MSR1: variants seen among roughly 807,000 people sequenced by gnomAD.
MSR1 encodes macrophage scavenger receptor 1.
MSR1 carries 53 observed loss-of-function variants against 47.2 expected under a neutral mutation model. That is an observed-to-expected ratio of 1.12 (90% CI 0.90 to 1.41). The LOEUF is 1.41. MSR1 is among the 40% of genes most tolerant of loss of function. The probability of loss-of-function intolerance (pLI) is 0.00; values close to 1 mark genes in which losing one functional copy is unlikely to be tolerated. For missense variants in MSR1, 786 were observed against 546.9 expected (o/e 1.44, Z -4.36); for synonymous variants, 239 against 185.6 (o/e 1.29, Z -2.34).
Position 16,177,980 on chromosome 8 carries a change from C to G in MSR1, c.9G>C (p.Gln3His), listed in dbSNP as rs777337243. The change falls in exon 2 of 10, where the codon CAG (glutamine) becomes CAC (histidine). Residue 3 changes from glutamine to histidine, a missense_variant. Transcript: ENST00000262101. ME[Q>H]WDHFHNQQED... ...CCTGTTGATTGTGAAAGTGATCCCA[C>G]TGCTCCATACTTCTATGAAACAAAA... 1 of 1,613,330 alleles carries G rather than the reference C, an allele frequency of 6.2e-7. No individual in the cohort carries two copies. Among genetic ancestry groups the G allele is most frequent in the African/African-American group, 1.3e-5 (1 of 74,884 alleles).
intron 5 of MSR1, among the ~76,000 whole-genome samples, chr8:16,163,051 G>C (rs1211707158): frequency 6.6e-6 from 1 of 151,964 alleles, no homozygotes; most frequent in African/African-American, 2.4e-5. Context: ...TGAATGTTAA[G>C]ATACTGATCA....
intron 9 of MSR1, 109 bp downstream of exon 9, chr8:16,120,309 A>G (rs1799968825): frequency 8.8e-7 from 1 of 1,138,788 alleles, no homozygotes; most frequent in Middle Eastern, 2.0e-4. Flanking sequence ...TCCGGGAGGC[A>G]GAGGTTGCAG....
At position 16,143,472 on chromosome 8, in the gene MSR1, A is replaced by G; in HGVS notation, c.1033+86T>C. ...TGTATGGATCTGTGCTGAAGTTGCG[A>G]ACATTTGCCTCAAGCCCAGATCTCT... On this transcript the variant is annotated intron_variant, in intron 8 of 9. Coordinates refer to ENST00000262101, the MANE Select transcript of MSR1 (RefSeq NM_138715.3). 11 of 1,235,380 alleles carry G rather than the reference A, an allele frequency of 8.9e-6. No individual in the cohort carries two copies. In the South Asian group the frequency reaches 1.2e-4, roughly 14 times the overall value. 76.5% of individuals were successfully genotyped at this position (1,235,380 alleles called of 1,614,324 possible). A position where few individuals can be genotyped will look rare whatever the true frequency, so the allele number is the denominator to read the frequency against.
intron 2 of MSR1, among the ~76,000 whole-genome samples, chr8:16,175,744 T>A (rs1490483050): frequency 6.6e-6 from 1 of 152,246 alleles, no homozygotes; most frequent in Admixed American, 6.5e-5. Context: ...ATGACTATGA[T>A]GTTAAAATAA....
intron 3 of MSR1, among the ~76,000 whole-genome samples, chr8:16,169,579 A>G (rs1410990588): frequency 6.6e-6 from 1 of 152,182 alleles, no homozygotes. Flanking sequence ...ACAATTTACC[A>G]TGAATCTCAC....
chr8:16,141,047 T>C, intron 8 of MSR1: 1 of 1,613,400 alleles, frequency 6.2e-7, no homozygotes, highest in Non-Finnish European at 8.5e-7. Context: ...GTACTGGTCC[T>C]GACACATATA....
At chr8:16,181,416 T>C (rs190909280) in intron 1 of MSR1, among the ~76,000 whole-genome samples, 2 of 152,208 alleles carry the variant, frequency 1.3e-5, no homozygotes, top group Admixed American at 6.5e-5. Flanking sequence ...CCATCAATGA[T>C]AGATTGGATA....
intron 8 of MSR1, 180 bp from the exon 9 acceptor site, chr8:16,120,786 A>G: frequency 6.4e-6 from 5 of 782,950 alleles, no homozygotes; most frequent in Non-Finnish European, 7.9e-6. Context: ...AAAGAGTTTA[A>G]CTGCAAATAT....
intron 2 of MSR1, among the ~76,000 whole-genome samples, chr8:16,176,850 C>G (rs879224284): frequency 6.6e-6 from 1 of 152,148 alleles, no homozygotes; most frequent in Non-Finnish European, 1.5e-5. Context: ...ATCCTTTACA[C>G]AGAGCACAAG....
intron 3 of MSR1, among the ~76,000 whole-genome samples, chr8:16,174,267 T>A (rs1320578441): frequency 6.6e-6 from 1 of 151,996 alleles, no homozygotes; most frequent in Non-Finnish European, 1.5e-5. Context: ...TTGTTGTTGT[T>A]AAACTGCTTA....
rs1308059372 is a variant in MSR1 at position 16,108,871 on chromosome 8, A to T, written c.*1214T>A. The T allele has an allele frequency of 1.3e-5, 2 of 152,274 alleles. No individual in the cohort carries two copies. The highest frequency in any genetic ancestry group is 4.8e-5 in the African/African-American group (2 of 41,568). 9.4% of individuals were successfully genotyped at this position (152,274 alleles called of 1,614,324 possible). ...TTTCATTTGCCACTATTAAAGAAAG[A>T]ACAGTAGAGTAATTCCATAATAGTA... is the stretch of plus-strand genomic sequence containing the variant. On this transcript the variant is annotated 3_prime_UTR_variant, in exon 10 of 10. Coordinates refer to ENST00000262101, the MANE Select transcript of MSR1 (RefSeq NM_138715.3).
Position 16,109,959 on chromosome 8 carries a change from A to G in MSR1, c.*126T>C, listed in dbSNP as rs1799718558. On this transcript the variant is annotated 3_prime_UTR_variant, in exon 10 of 10. Transcript: ENST00000262101. ...AGGTGTTCAATATATTAATCCTGTA[A>G]TCTAAAATATTATTTGGGCAATATT... 5.4e-6 allele frequency: 6 copies of G among 1,116,296 alleles called. No individual in the cohort carries two copies. The highest frequency in any genetic ancestry group is 2.2e-4 in the Middle Eastern group (1 of 4,486). 69.1% of individuals were successfully genotyped at this position (1,116,296 alleles called of 1,614,324 possible). A position where few individuals can be genotyped will look rare whatever the true frequency, so the allele number is the denominator to read the frequency against.
At chr8:16,178,205 A>G (rs1263007923) in intron 1 of MSR1, among the ~76,000 whole-genome samples, 1 of 151,778 alleles carries the variant, frequency 6.6e-6, no homozygotes, top group Non-Finnish European at 1.5e-5. Flanking sequence ...TGCACCCACA[A>G]ACTCGTCATC....
chr8:16,187,232 G>A (rs530358558), intron 1 of MSR1, among the ~76,000 whole-genome samples: 5 of 151,294 alleles, frequency 3.3e-5, no homozygotes, highest in African/African-American at 4.8e-5. Flanking sequence ...GTGTGGTGGC[G>A]GGTACCTCTA....
intron 8 of MSR1, chr8:16,139,771 AAAAATATATATAT>A (rs1800495003): frequency 2.5e-5 from 1 of 39,274 alleles, no homozygotes; most frequent in African/African-American, 1.1e-4. Flanking sequence ...AAAAAAAAAA[AAAAATATATATAT>A]ATATATATAT....
chr8:16,159,275 A>C (rs1010762766), intron 5 of MSR1, among the ~76,000 whole-genome samples: 1 of 151,946 alleles, frequency 6.6e-6, no homozygotes, highest in African/African-American at 2.4e-5. Flanking sequence ...AATGTTAGCT[A>C]TTCTCACCAC....
intron 8 of MSR1, among the ~76,000 whole-genome samples, chr8:16,123,865 C>T (rs544222530): frequency 6.6e-6 from 1 of 152,240 alleles, no homozygotes; most frequent in African/African-American, 2.4e-5. Flanking sequence ...CCCGAATCTG[C>T]TTAGGAGTCT....
intron 8 of MSR1, among the ~76,000 whole-genome samples, chr8:16,138,378 G>A (rs1369907794): frequency 2.0e-5 from 3 of 152,196 alleles, no homozygotes; most frequent in African/African-American, 7.2e-5. Flanking sequence ...ACTAGCGTTA[G>A]AGCTTAGTGA....
At chr8:16,133,260 T>C (rs1352924002) in intron 8 of MSR1, among the ~76,000 whole-genome samples, 2 of 152,198 alleles carry the variant, frequency 1.3e-5, no homozygotes, top group Non-Finnish European at 2.9e-5. Flanking sequence ...CTGAGGATCT[T>C]AAGAATTTAA....
Sources: gnomAD v4.1 joint callset for allele counts (sites outside exome capture counted in the v4.1 genomes callset) on GRCh38, gnomAD v4.1.1 for gene constraint, MANE v1.5 for transcripts, NCBI Gene and HGNC (gene_info 2026-07-23, HGNC 2026-07-21) for gene names.